Variants in PCSK5 observed in about 807,000 individuals in gnomAD.
PCSK5 encodes the protein proprotein convertase subtilisin/kexin type 5.
A neutral mutation model predicts 233.2 loss-of-function variants in PCSK5; 129 were observed. That is an observed-to-expected ratio of 0.55 (90% CI 0.48 to 0.64). The LOEUF (loss-of-function observed/expected upper bound fraction) is 0.64. Ranked by LOEUF, PCSK5 falls within the 30% of genes least tolerant of loss-of-function variation. The pLI is 0.00. For missense variants in PCSK5, 2,076 were observed against 2,430.1 expected (o/e 0.85, Z 3.06); for synonymous variants, 825 against 879.2 (o/e 0.94, Z 1.09).
At position 75,891,114 on chromosome 9, in the gene PCSK5, G is replaced by C. The variant is rs1439807069; in HGVS notation, c.-68G>C. ...TCGCCGGGCGGCGCAGGCCGGAGAA[G>C]TTAGTTGTGCGCGCCCTTAGTGCGC... is the stretch of plus-strand genomic sequence containing the variant. On this transcript the variant is annotated 5_prime_UTR_variant, in exon 1 of 38. Coordinates refer to ENST00000674117, the MANE Select transcript of PCSK5 (RefSeq NM_001372043.1). 1.5e-6 allele frequency: 2 copies of C among 1,360,738 alleles called. No homozygotes were observed. The allele number at this position is 1,360,738 out of a possible 1,614,324, so 84.3% of individuals were successfully genotyped here.
chr9:76,227,357 A>G, intron 20 of PCSK5, 146 bp from the exon 21 acceptor site: 1 of 621,470 alleles, frequency 1.6e-6, no homozygotes, highest in Non-Finnish European at 2.9e-6. Context: ...ATTTGGGACT[A>G]GCAGCTGAAG....
chr9:75,928,390 G>C (rs1001438077), intron 1 of PCSK5, among the ~76,000 whole-genome samples: 5 of 151,598 alleles, frequency 3.3e-5, no homozygotes, highest in Admixed American at 6.6e-5. Flanking sequence ...TGGAATGCCT[G>C]CTTATAGATA....
At chr9:76,035,527 A>C (rs1016434390) in intron 5 of PCSK5, among the ~76,000 whole-genome samples, 1 of 152,128 alleles carries the variant, frequency 6.6e-6, no homozygotes, top group African/African-American at 2.4e-5. Flanking sequence ...ATAGGTTCAA[A>C]TGAGGTATGA....
intron 2 of PCSK5, among the ~76,000 whole-genome samples, chr9:75,972,395 G>T (rs1053877281): frequency 2.0e-5 from 3 of 152,170 alleles, no homozygotes; most frequent in Non-Finnish European, 2.9e-5. Flanking sequence ...TTTTAAAGAA[G>T]TTTTTTCTAA....
intron 2 of PCSK5, among the ~76,000 whole-genome samples, chr9:75,956,861 A>G (rs1825116584): frequency 1.3e-5 from 2 of 151,834 alleles, no homozygotes; most frequent in Non-Finnish European, 2.9e-5. Flanking sequence ...TTTCCTCAGC[A>G]CTTCTCAGAC....
intron 20 of PCSK5, among the ~76,000 whole-genome samples, chr9:76,208,714 G>A (rs1043903341): frequency 1.1e-4 from 17 of 152,176 alleles, no homozygotes; most frequent in African/African-American, 4.1e-4. Context: ...ATATGAGAAT[G>A]TTCAAAAGGT....
At position 75,891,266 on chromosome 9, in the gene PCSK5, G is replaced by T. The variant is rs772094687; in HGVS notation, c.85G>T (p.Val29Leu). 1 of 1,530,030 alleles carries T rather than the reference G, an allele frequency of 6.5e-7. No individual in the cohort carries two copies. Among genetic ancestry groups the T allele is most frequent in the Non-Finnish European group, 8.7e-7 (1 of 1,148,622 alleles). 94.8% of individuals were successfully genotyped at this position (1,530,030 alleles called of 1,614,324 possible). Residue 29 changes from valine (V) to leucine (L), a missense_variant, in exon 1 of 38, where the codon GTG (valine) becomes TTG (leucine). Physicochemically the swap from Val to Leu is conservative, Grantham distance 32. This residue lies in a region of PCSK5 where 190 missense variants were observed against 216.3 expected (regional missense o/e 0.88). Coordinates refer to ENST00000674117, the MANE Select transcript of PCSK5 (RefSeq NM_001372043.1). ...GCTGCTCGGGGGCTGCCTGCTCCCC[G>T]TGTGTCGGACGCGCGTCTACACCAA... ...LALLGGCLLP[V>L]CRTRVYTNHW...
intron 3 of PCSK5, among the ~76,000 whole-genome samples, chr9:76,023,055 T>C (rs1213600007): frequency 1.3e-5 from 2 of 152,204 alleles, no homozygotes; most frequent in Non-Finnish European, 2.9e-5. Context: ...GGTTGAGAAA[T>C]TATAAAGTCT....
At chr9:76,295,557 GA>G in intron 26 of PCSK5, 146 bp downstream of exon 26, 1 of 659,110 alleles carries the variant, frequency 1.5e-6, no homozygotes, top group Non-Finnish European at 2.6e-6. Context: ...ATTTGGTTTA[GA>G]AATAAACATT....
chr9:76,182,016 G>A (rs1346219037), intron 16 of PCSK5, among the ~76,000 whole-genome samples: 1 of 152,156 alleles, frequency 6.6e-6, no homozygotes, highest in Non-Finnish European at 1.5e-5. Flanking sequence ...CAGGGCCCAG[G>A]GTTGTCACTG....
intron 20 of PCSK5, among the ~76,000 whole-genome samples, chr9:76,199,761 T>G (rs1444576623): frequency 3.9e-5 from 6 of 152,180 alleles, no homozygotes; most frequent in South Asian, 2.1e-4. Flanking sequence ...ACCATCTATA[T>G]GCTGATGACT....
intron 16 of PCSK5, among the ~76,000 whole-genome samples, chr9:76,184,386 A>AG (rs1491363011): frequency 9.0e-4 from 9 of 9,970 alleles, no homozygotes; most frequent in Non-Finnish European, 1.6e-3. Context: ...AGGAAGAAGA[A>AG]GAAAAAAAAA....
At chr9:76,343,745 A>C (rs1369622923) in intron 35 of PCSK5, among the ~76,000 whole-genome samples, 3 of 152,086 alleles carry the variant, frequency 2.0e-5, no homozygotes, top group Non-Finnish European at 4.4e-5. Context: ...AAACCTCCCC[A>C]GACCCTTCAT....
chr9:76,345,050 A>G (rs576825396), intron 35 of PCSK5, among the ~76,000 whole-genome samples: 38 of 152,274 alleles, frequency 2.5e-4, no homozygotes, highest in African/African-American at 8.7e-4. Context: ...ATGATGCTGA[A>G]GTTTGGAGTA....
At chr9:76,021,023 G>C (rs1828162898) in intron 3 of PCSK5, among the ~76,000 whole-genome samples, 1 of 152,102 alleles carries the variant, frequency 6.6e-6, no homozygotes, top group South Asian at 2.1e-4. Flanking sequence ...GAAAAACGGA[G>C]GCATTTCAGA....
intron 10 of PCSK5, among the ~76,000 whole-genome samples, chr9:76,145,124 TA>T (rs773262237): frequency 3.3e-5 from 5 of 151,830 alleles, no homozygotes; most frequent in Admixed American, 1.3e-4. Flanking sequence ...GACTCCATCT[TA>T]AAAAAAATAA....
chr9:76,136,448 A>T (rs1822981641), intron 10 of PCSK5, among the ~76,000 whole-genome samples: 1 of 151,994 alleles, frequency 6.6e-6, no homozygotes, highest in African/African-American at 2.4e-5. Flanking sequence ...CTACAACAAG[A>T]GCTCAACAAG....
At chr9:76,248,089 CTT>C (rs1014838751) in intron 24 of PCSK5, among the ~76,000 whole-genome samples, 38 of 148,920 alleles carry the variant, frequency 2.6e-4, no homozygotes, top group African/African-American at 7.6e-4. Context: ...CGACCTTAAT[CTT>C]TTTTAAAAAA....
At chr9:75,940,311 G>A (rs1824243732) in intron 2 of PCSK5, among the ~76,000 whole-genome samples, 1 of 152,160 alleles carries the variant, frequency 6.6e-6, no homozygotes, top group Non-Finnish European at 1.5e-5. Flanking sequence ...GAAGCCTTTT[G>A]TTTATTCTCT....
Sources: gnomAD v4.1 joint callset for allele counts (sites outside exome capture counted in the v4.1 genomes callset) on GRCh38, gnomAD v4.1.1 for gene constraint, gnomAD v4.1.1 regional missense constraint, MANE v1.5 for transcripts, NCBI Gene and HGNC (gene_info 2026-07-23, HGNC 2026-07-21) for gene names.